Variants in GALNTL6 observed in about 807,000 individuals in gnomAD.
GALNTL6 encodes polypeptide N-acetylgalactosaminyltransferase-like 6.
Under a neutral mutation model 73.7 loss-of-function variants are expected in GALNTL6, and 46 were observed. That is an observed-to-expected ratio of 0.62 (90% CI 0.49 to 0.80). The LOEUF (loss-of-function observed/expected upper bound fraction) is 0.80, where lower values mean the gene tolerates loss of function less well. Among genes scored for constraint, GALNTL6 ranks in the 30% least tolerant of loss-of-function variants. The probability of loss-of-function intolerance (pLI) is 0.00; values close to 1 mark genes in which losing one functional copy is unlikely to be tolerated. For missense variants in GALNTL6, 604 were observed against 755.0 expected, an observed-to-expected ratio of 0.80 and a Z score of 2.34; for synonymous variants, 259 against 263.7, an observed-to-expected ratio of 0.98 and a Z score of 0.17.
rs540272144 is a variant in GALNTL6, at chr4:172,648,308, G to A, written c.554-161053G>A. Among the ~76,000 whole-genome samples the A allele has an allele frequency of 4.6e-5, 7 of 152,234 alleles. No individual in the cohort carries two copies. In the East Asian group the frequency reaches 9.7e-4, roughly 21 times the overall value. On this transcript the variant is annotated intron_variant, in intron 5 of 12. Coordinates refer to ENST00000506823, the MANE Select transcript of GALNTL6 (RefSeq NM_001034845.3). Reference sequence around the variant, plus strand: ...AAGCTTCTAAAGTAAGTTGTCATTTGTCATTAAGAAGGGTTTAAAGCTGTT... The same window carrying A: ...AAGCTTCTAAAGTAAGTTGTCATTTATCATTAAGAAGGGTTTAAAGCTGTT...
chr4:172,277,680 G>T, intron 3 of GALNTL6, among the ~76,000 whole-genome samples: 1 of 152,052 alleles, frequency 6.6e-6, no homozygotes, highest in East Asian at 1.9e-4. Context: ...GCTCTGTATG[G>T]CTGCACCTGC....
rs34783084 is a variant in GALNTL6, at chr4:172,219,199, G to GTATATATATATATATATATATATATATA, written c.139-10433_139-10432insTATATATATATATATATATATATATATA. Among the ~76,000 whole-genome samples, 377 of 116,052 alleles carry GTATATATATATATATATATATATATATA rather than the reference G, an allele frequency of 3.2e-3. 6 individuals carry two copies. Among genetic ancestry groups the GTATATATATATATATATATATATATATA allele is most frequent in the Non-Finnish European group, 4.0e-3 (222 of 55,940 alleles). The allele number at this position is 116,052 out of a possible 152,430, so 76.1% of individuals were successfully genotyped here. A position where few individuals can be genotyped will look rare whatever the true frequency, so the allele number is the denominator to read the frequency against. On this transcript the variant is annotated intron_variant, in intron 2 of 12. Transcript: ENST00000506823. ...ATATAATATGTCAGATTAAGCAAGT[G>GTATATATATATATATATATATATATATA]TATATATATATATATATATATATAA...
chr4:172,233,532 C>T (rs1367915067), intron 3 of GALNTL6, among the ~76,000 whole-genome samples: 1 of 151,888 alleles, frequency 6.6e-6, no homozygotes, highest in East Asian at 1.9e-4. Context: ...TTTGTCTTTC[C>T]CTCCATTGCT....
chr4:172,683,020 GA>G (rs1454048685), intron 5 of GALNTL6, among the ~76,000 whole-genome samples: 2 of 152,136 alleles, frequency 1.3e-5, no homozygotes, highest in Admixed American at 1.3e-4. Context: ...GAGGTTCAAA[GA>G]GAACATTTAT....
intron 5 of GALNTL6, among the ~76,000 whole-genome samples, chr4:172,448,814 TC>T (rs1457246047): frequency 1.3e-5 from 2 of 152,208 alleles, no homozygotes; most frequent in Non-Finnish European, 2.9e-5. Flanking sequence ...TGGGAGTTTT[TC>T]TGATGCCTTG....
intron 7 of GALNTL6, among the ~76,000 whole-genome samples, chr4:172,875,767 A>ACACT: frequency 6.6e-6 from 1 of 151,752 alleles, no homozygotes; most frequent in Non-Finnish European, 1.5e-5. Context: ...ACACACACAC[A>ACACT]CAAATAAGAA....
At chr4:173,035,250 C>G (rs955164310) in intron 12 of GALNTL6, among the ~76,000 whole-genome samples, 2 of 150,576 alleles carry the variant, frequency 1.3e-5, no homozygotes, top group Admixed American at 1.3e-4. Flanking sequence ...GCAATCTCGG[C>G]TCACCGCAAC....
chr4:172,191,043 A>G (rs984358862), intron 2 of GALNTL6, among the ~76,000 whole-genome samples: 9 of 152,068 alleles, frequency 5.9e-5, no homozygotes, highest in African/African-American at 2.2e-4. Context: ...CTCCCACCCT[A>G]TGTGTTGATG....
chr4:172,731,865 T>G (rs1736169738), intron 5 of GALNTL6, among the ~76,000 whole-genome samples: 1 of 152,200 alleles, frequency 6.6e-6, no homozygotes, highest in African/African-American at 2.4e-5. Context: ...TCATCTTGTT[T>G]TTTATTTCTA....
chr4:172,081,539 G>A (rs555940170), intron 2 of GALNTL6, among the ~76,000 whole-genome samples: 1 of 152,348 alleles, frequency 6.6e-6, no homozygotes, highest in East Asian at 1.9e-4. Flanking sequence ...TCAGGAGACT[G>A]AGGCAGGATA....
intron 2 of GALNTL6, among the ~76,000 whole-genome samples, chr4:172,201,694 G>C (rs1354204676): frequency 6.6e-6 from 1 of 151,990 alleles, no homozygotes; most frequent in African/African-American, 2.4e-5. Context: ...TATTTGTTGT[G>C]GAATTTGCAA....
chr4:171,990,741 CAA>C (rs1332919941), intron 2 of GALNTL6, among the ~76,000 whole-genome samples: 7 of 151,976 alleles, frequency 4.6e-5, no homozygotes, highest in African/African-American at 1.4e-4. Context: ...AAAAGAGAAA[CAA>C]TGCATCTTTT....
intron 2 of GALNTL6, among the ~76,000 whole-genome samples, chr4:172,001,916 T>C (rs1740686959): frequency 6.6e-6 from 1 of 152,152 alleles, no homozygotes; most frequent in South Asian, 2.1e-4. Context: ...CCCTGCTCTT[T>C]GCGATTTTCC....
At chr4:172,856,955 G>A (rs1358047719) in intron 7 of GALNTL6, among the ~76,000 whole-genome samples, 1 of 152,172 alleles carries the variant, frequency 6.6e-6, no homozygotes, top group African/African-American at 2.4e-5. Context: ...GTGGGTTGCA[G>A]CACATTTTAG....
chr4:172,769,272 A>T (rs904347682), intron 5 of GALNTL6, among the ~76,000 whole-genome samples: 2 of 151,960 alleles, frequency 1.3e-5, no homozygotes, highest in Non-Finnish European at 2.9e-5. Flanking sequence ...TTGAGGTTTT[A>T]AAAAAAAGAT....
At chr4:172,114,341 T>A (rs2110984906) in intron 2 of GALNTL6, among the ~76,000 whole-genome samples, 1 of 152,202 alleles carries the variant, frequency 6.6e-6, no homozygotes, top group Non-Finnish European at 1.5e-5. Flanking sequence ...GGAGTCAATT[T>A]GGAAATATAA....
chr4:172,498,633 A>G (rs545138276), intron 5 of GALNTL6, among the ~76,000 whole-genome samples: 1 of 152,332 alleles, frequency 6.6e-6, no homozygotes, highest in African/African-American at 2.4e-5. Flanking sequence ...CTACTTATAA[A>G]TTCAGGTTAA....
At chr4:172,643,394 T>C (rs1192829022) in intron 5 of GALNTL6, among the ~76,000 whole-genome samples, 2 of 151,944 alleles carry the variant, frequency 1.3e-5, no homozygotes, top group Non-Finnish European at 2.9e-5. Context: ...GTTTTAAAAG[T>C]AAACTTTTTA....
At chr4:172,497,997 TTTTTG>T (rs1357674623) in intron 5 of GALNTL6, among the ~76,000 whole-genome samples, 1 of 147,498 alleles carries the variant, frequency 6.8e-6, no homozygotes, top group Non-Finnish European at 1.5e-5. Context: ...ATTTCTTTTT[TTTTTG>T]TTTTTTTGAG....
Sources: allele counts gnomAD v4.1 joint callset (sites outside exome capture counted in the v4.1 genomes callset), GRCh38; gene constraint gnomAD v4.1.1; transcripts MANE v1.5; gene names NCBI Gene and HGNC (gene_info 2026-07-23, HGNC 2026-07-21).